FLT1: variants seen among roughly 807,000 people sequenced by gnomAD.
FLT1 encodes vascular endothelial growth factor receptor 1.
Under a neutral mutation model 156.3 loss-of-function variants are expected in FLT1, and 49 were observed. That is an observed-to-expected ratio of 0.31 (90% CI 0.25 to 0.40). The LOEUF (loss-of-function observed/expected upper bound fraction) is 0.40, where lower values mean the gene tolerates loss of function less well. FLT1 is among the 10% of genes least tolerant of loss of function. FLT1 has a pLI of 1.00. For missense variants in FLT1, 1,322 were observed against 1,637.2 expected, an observed-to-expected ratio of 0.81 and a Z score of 3.32; for synonymous variants, 594 against 583.8, an observed-to-expected ratio of 1.02 and a Z score of -0.25.
chr13:28,459,530 A>T (rs1879448030), intron 3 of FLT1, among the ~76,000 whole-genome samples: 1 of 152,230 alleles, frequency 6.6e-6, no homozygotes, highest in Admixed American at 6.5e-5. Flanking sequence ...GAATGAGGCC[A>T]TGTGGAAAAT....
chr13:28,493,160 C>T (rs1881560162), intron 1 of FLT1, among the ~76,000 whole-genome samples: 1 of 152,100 alleles, frequency 6.6e-6, no homozygotes, highest in Admixed American at 6.5e-5. Flanking sequence ...TAATAAATCA[C>T]GTACTTTTCC....
At chr13:28,370,686 G>A (rs1294124470) in intron 14 of FLT1, among the ~76,000 whole-genome samples, 1 of 152,120 alleles carries the variant, frequency 6.6e-6, no homozygotes, top group Non-Finnish European at 1.5e-5. Flanking sequence ...CTAACTCTAT[G>A]GTTATTATCT....
At chr13:28,370,323 G>T (rs1287642804) in intron 14 of FLT1, among the ~76,000 whole-genome samples, 1 of 152,150 alleles carries the variant, frequency 6.6e-6, no homozygotes. Context: ...AGTTATGATG[G>T]GGGGAGAGGG....
intron 14 of FLT1, among the ~76,000 whole-genome samples, chr13:28,360,694 G>C (rs1452516980): frequency 1.3e-5 from 2 of 152,164 alleles, no homozygotes; most frequent in Non-Finnish European, 2.9e-5. Context: ...GGTGGGGAGA[G>C]TTGGATACGG....
rs56031277 is a variant in FLT1 at position 28,327,756 on chromosome 13, C to CAAAAA, written c.2708-211_2708-207dup. 3.7e-3 allele frequency among the ~76,000 whole-genome samples: 450 copies of CAAAAA among 122,720 alleles called. 7 individuals are homozygous for CAAAAA. The highest frequency in any genetic ancestry group is 8.4e-3 in the African/African-American group (266 of 31,828). 80.5% of individuals were successfully genotyped at this position (122,720 alleles called of 152,430 possible). On this transcript the variant is annotated intron_variant, in intron 19 of 29. Coordinates refer to ENST00000282397, the MANE Select transcript of FLT1 (RefSeq NM_002019.4). ...GGGTTTAAAGAATACAATTGAAATACAAAAAAAAAAAAAAAAAAAAGGAGG... is the reference window on the plus strand; with the variant it reads ...GGGTTTAAAGAATACAATTGAAATACAAAAAAAAAAAAAAAAAAAAAAAAAGGAGG...
At position 28,397,016 on chromosome 13, in the gene FLT1, C is replaced by A. The variant is rs1875091115; in HGVS notation, c.1604G>T (p.Cys535Phe). The change falls in exon 12 of 30, where the codon TGC becomes TTC. Residue 535 changes from cysteine (C) to phenylalanine (F), a missense_variant. Cys to Phe is a radical substitution (Grantham distance 205, BLOSUM62 -2). Transcript: ENST00000282397. The stretch of plus-strand genomic sequence containing the variant: ...AGTCCCAACTTTATTGGAAGCTATG[C>A]AAATGTAGATTCCAGAAATTCTAGA... Reference protein sequence around the residue: ...ADSRISGIYICIASNKVGTVG... With the variant: ...ADSRISGIYIFIASNKVGTVG... 1.2e-6 allele frequency: 2 copies of A among 1,613,754 alleles called. No homozygotes were observed. The highest frequency in any genetic ancestry group is 2.7e-5 in the African/African-American group (2 of 74,908).
At chr13:28,467,410 C>T (rs917559494) in intron 2 of FLT1, 111 bp downstream of exon 2, 4 of 779,478 alleles carry the variant, frequency 5.1e-6, no homozygotes, top group African/African-American at 1.7e-5. Flanking sequence ...ATGGTTTGCA[C>T]TTTGCAGATC....
chr13:28,371,483 T>C (rs900086444), intron 14 of FLT1, among the ~76,000 whole-genome samples: 2 of 152,170 alleles, frequency 1.3e-5, no homozygotes, highest in Non-Finnish European at 2.9e-5. Context: ...TACCCATCTA[T>C]GAATCCCTTA....
rs1423605859 is a variant in FLT1 at position 28,357,693 on chromosome 13, G to A, written c.2117-8C>T. 2.9e-5 allele frequency: 46 copies of A among 1,613,018 alleles called. No homozygotes were observed. Among genetic ancestry groups the A allele is most frequent in the Non-Finnish European group, 3.9e-5 (46 of 1,179,306 alleles). On this transcript the variant is annotated splice_region_variant and splice_polypyrimidine_tract_variant and intron_variant, in intron 14 of 29. Coordinates refer to ENST00000282397, the MANE Select transcript of FLT1 (RefSeq NM_002019.4). ...CTGGTCCTAAAATAATTCCTGAGGG[G>A]TGAGAGATGTTTAGATTAGTGGGCC...
intron 1 of FLT1, among the ~76,000 whole-genome samples, chr13:28,474,948 A>G (rs2137642371): frequency 6.6e-6 from 1 of 152,342 alleles, no homozygotes; most frequent in South Asian, 2.1e-4. Context: ...TAGAATATCC[A>G]GTTATTTTGA....
intron 3 of FLT1, among the ~76,000 whole-genome samples, chr13:28,458,666 C>T (rs1236956479): frequency 6.6e-6 from 1 of 152,170 alleles, no homozygotes; most frequent in Non-Finnish European, 1.5e-5. Context: ...TAGTCAAGCT[C>T]CCTTAGTGTT....
intron 10 of FLT1, among the ~76,000 whole-genome samples, chr13:28,424,488 C>T (rs1341269568): frequency 1.3e-5 from 2 of 152,010 alleles, no homozygotes; most frequent in Non-Finnish European, 2.9e-5. Flanking sequence ...GTTGAACTAT[C>T]GGTAGTTATA....
intron 12 of FLT1, among the ~76,000 whole-genome samples, chr13:28,392,519 G>T (rs1319339084): frequency 6.6e-6 from 1 of 152,172 alleles, no homozygotes; most frequent in Non-Finnish European, 1.5e-5. Context: ...CATCCTGGTA[G>T]TTAGAACCCA....
chr13:28,349,022 T>C (rs984231062), intron 15 of FLT1, among the ~76,000 whole-genome samples: 1 of 152,192 alleles, frequency 6.6e-6, no homozygotes, highest in African/African-American at 2.4e-5. Flanking sequence ...GGTGCTGGTA[T>C]ACAGTTAGAA....
chr13:28,337,518 C>T (rs1872165070), intron 17 of FLT1, among the ~76,000 whole-genome samples: 1 of 152,146 alleles, frequency 6.6e-6, no homozygotes, highest in Non-Finnish European at 1.5e-5. Context: ...GAGGAGTGTA[C>T]CTCGGGGCCT....
intron 29 of FLT1, among the ~76,000 whole-genome samples, chr13:28,305,745 C>T (rs913989847): frequency 3.3e-5 from 5 of 152,176 alleles, no homozygotes; most frequent in African/African-American, 9.7e-5. Context: ...AACACAAACT[C>T]GTAAACTTTC....
At position 28,302,531 on chromosome 13, in the gene FLT1, T is replaced by C. The variant is rs1870555891; in HGVS notation, c.*636A>G. 1 of 233,272 alleles carries C rather than the reference T, an allele frequency of 4.3e-6. No individual in the cohort carries two copies. Among genetic ancestry groups the C allele is most frequent in the African/African-American group, 2.2e-5 (1 of 45,342 alleles). The allele number at this position is 233,272 out of a possible 1,614,324, so 14.5% of individuals were successfully genotyped here. A position where few individuals can be genotyped will look rare whatever the true frequency, so the allele number is the denominator to read the frequency against. Reference sequence around the variant, plus strand: ...TGTCCCCTCATCGCTGTCCATCTGCTCCTGGCTGGGCCCTCAAATGTAGAA... The same window carrying C: ...TGTCCCCTCATCGCTGTCCATCTGCCCCTGGCTGGGCCCTCAAATGTAGAA... On this transcript the variant is annotated 3_prime_UTR_variant, in exon 30 of 30. Coordinates refer to ENST00000282397, the MANE Select transcript of FLT1 (RefSeq NM_002019.4).
chr13:28,350,195 CAG>C (rs1872696286), intron 15 of FLT1, among the ~76,000 whole-genome samples: 1 of 152,212 alleles, frequency 6.6e-6, no homozygotes, highest in Non-Finnish European at 1.5e-5. Flanking sequence ...CACTGGGTCT[CAG>C]GGACATGGCT....
At chr13:28,453,606 A>T (rs1351685364) in intron 3 of FLT1, among the ~76,000 whole-genome samples, 1 of 152,162 alleles carries the variant, frequency 6.6e-6, no homozygotes, top group Non-Finnish European at 1.5e-5. Context: ...ATTCCTGTTA[A>T]ATCTCATTTT....
Sources: gnomAD v4.1 joint callset for allele counts (sites outside exome capture counted in the v4.1 genomes callset) on GRCh38, gnomAD v4.1.1 for gene constraint, MANE v1.5 for transcripts, NCBI Gene and HGNC (gene_info 2026-07-23, HGNC 2026-07-21) for gene names.